The following PTPRJ variants were observed in gnomAD, a reference collection of about 807,000 sequenced individuals.
The protein encoded by PTPRJ is receptor-type tyrosine-protein phosphatase eta.
In PTPRJ, 129 loss-of-function variants were observed where a neutral mutation model predicts 141.3. That is an observed-to-expected ratio of 0.91 (90% CI 0.79 to 1.06). PTPRJ has a LOEUF of 1.06. PTPRJ is among the 50% of genes least tolerant of loss of function. PTPRJ has a pLI of 0.00. For synonymous variants in PTPRJ, 610 were observed against 640.5 expected, an observed-to-expected ratio of 0.95 and a Z score of 0.72; for missense variants, 1,601 against 1,679.7, an observed-to-expected ratio of 0.95 and a Z score of 0.82.
At chr11:48,093,040 T>C (rs1333059405) in intron 1 of PTPRJ, among the ~76,000 whole-genome samples, 2 of 152,266 alleles carry the variant, frequency 1.3e-5, no homozygotes, top group African/African-American at 4.8e-5. Context: ...TGGCCTATAT[T>C]TTCTATTTCT....
At chr11:48,019,046 A>G (rs767182163) in intron 1 of PTPRJ, among the ~76,000 whole-genome samples, 1 of 151,908 alleles carries the variant, frequency 6.6e-6, no homozygotes, top group African/African-American at 2.4e-5. Context: ...TGGGGGATGG[A>G]GAACCCCTCT....
chr11:48,007,591 T>C (rs1854658195), intron 1 of PTPRJ, among the ~76,000 whole-genome samples: 1 of 152,138 alleles, frequency 6.6e-6, no homozygotes, highest in African/African-American at 2.4e-5. Flanking sequence ...TTAGCAGAGA[T>C]GGGGTTTTGC....
At chr11:48,050,457 A>G (rs950604893) in intron 1 of PTPRJ, among the ~76,000 whole-genome samples, 1 of 152,184 alleles carries the variant, frequency 6.6e-6, no homozygotes, top group Non-Finnish European at 1.5e-5. Context: ...ATAGCATTCT[A>G]CATTCTGTGG....
In PTPRJ at chr11:48,123,706, G is replaced by C; in HGVS notation, c.710G>C (p.Arg237Pro). The change falls in exon 5 of 25, where the codon CGG (arginine) becomes CCG (proline). Residue 237 changes from arginine (R) to proline (P), a missense_variant. Physicochemically the swap from Arg to Pro is moderately radical, Grantham distance 103. Coordinates refer to ENST00000418331, the MANE Select transcript of PTPRJ (RefSeq NM_002843.4). The part of the protein sequence containing the change: ...WSNGNGTASC[R>P]VLLESIGSHE... ...AATGGCAATGGCACTGCCTCCTGCC[G>C]GGTTCTTCTTGAAAGCATTGGAAGC... is the stretch of plus-strand genomic sequence containing the variant. 6.2e-7 allele frequency: 1 copy of C among 1,614,138 alleles called. No homozygotes were observed. The highest frequency in any genetic ancestry group is 8.5e-7 in the Non-Finnish European group (1 of 1,180,034).
chr11:48,114,241 C>G (rs1309890525), intron 3 of PTPRJ, among the ~76,000 whole-genome samples: 6 of 151,892 alleles, frequency 4.0e-5, no homozygotes, highest in Non-Finnish European at 8.8e-5. Context: ...AGTTCAAGGC[C>G]AGCCTGGCCA....
At chr11:47,997,231 G>T (rs1309147363) in intron 1 of PTPRJ, among the ~76,000 whole-genome samples, 1 of 152,222 alleles carries the variant, frequency 6.6e-6, no homozygotes, top group African/African-American at 2.4e-5. Flanking sequence ...GATATTGGCA[G>T]ATGTCCCCTA....
At chr11:48,030,756 T>C (rs1284492698) in intron 1 of PTPRJ, among the ~76,000 whole-genome samples, 1 of 151,732 alleles carries the variant, frequency 6.6e-6, no homozygotes, top group East Asian at 1.9e-4. Context: ...AATAAATAAA[T>C]AAATAAATAA....
chr11:48,049,363 G>C (rs946579671), intron 1 of PTPRJ, among the ~76,000 whole-genome samples: 2 of 151,846 alleles, frequency 1.3e-5, no homozygotes, highest in Non-Finnish European at 2.9e-5. Flanking sequence ...CGTGGAGATG[G>C]AGAAAGGTAC....
intron 7 of PTPRJ, among the ~76,000 whole-genome samples, chr11:48,128,894 A>G (rs539918179): frequency 1.3e-5 from 2 of 152,310 alleles, no homozygotes; most frequent in Middle Eastern, 3.4e-3. Flanking sequence ...TGTATTTTGG[A>G]CTGGATCTTT....
At chr11:48,107,504 G>C (rs1013534071) in intron 1 of PTPRJ, among the ~76,000 whole-genome samples, 77 of 152,268 alleles carry the variant, frequency 5.1e-4, no homozygotes, top group African/African-American at 1.7e-3. Context: ...TCTTTGGCCA[G>C]AACTGTGGGC....
chr11:48,139,376 A>G (rs1857178914), intron 10 of PTPRJ, 110 bp from the exon 11 acceptor site: 1 of 1,222,602 alleles, frequency 8.2e-7, no homozygotes, highest in African/African-American at 1.5e-5. Context: ...TGCCTCTTCC[A>G]CCACATCACC....
At chr11:48,050,904 G>A (rs543593146) in intron 1 of PTPRJ, among the ~76,000 whole-genome samples, 1 of 152,094 alleles carries the variant, frequency 6.6e-6, no homozygotes, top group South Asian at 2.1e-4. Flanking sequence ...TTTAGGGGGT[G>A]TCCTAGTGGT....
chr11:48,123,746 T>C lies in PTPRJ; in HGVS notation c.750T>C (p.Thr250=), dbSNP rs1454972339. The change falls in exon 5 of 25, where the codon ACT becomes ACC. Residue 250 remains threonine, a synonymous_variant. Transcript: ENST00000418331. ...LESIGSHEEL[T]QDSRLQVNIS... ...GCATTGGAAGCCATGAGGAGTTGAC[T>C]CAAGACTCAAGACTTCAGGTCAATA... 1.2e-6 allele frequency: 2 copies of C among 1,613,966 alleles called. No individual in the cohort carries two copies. Among genetic ancestry groups the C allele is most frequent in the African/African-American group, 1.3e-5 (1 of 74,884 alleles).
At chr11:47,995,862 A>G (rs1207372744) in intron 1 of PTPRJ, among the ~76,000 whole-genome samples, 2 of 151,798 alleles carry the variant, frequency 1.3e-5, no homozygotes, top group African/African-American at 4.8e-5. Flanking sequence ...ACATGGTGAA[A>G]CCCTGTCTCT....
chr11:47,996,202 G>A (rs1854331094), intron 1 of PTPRJ, among the ~76,000 whole-genome samples: 1 of 151,904 alleles, frequency 6.6e-6, no homozygotes, highest in African/African-American at 2.4e-5. Context: ...GGGCATGGTG[G>A]TGGGTGCATG....
intron 1 of PTPRJ, among the ~76,000 whole-genome samples, chr11:48,022,549 C>A (rs80128770): frequency 0.013 from 1,931 of 151,592 alleles, 45 homozygotes; most frequent in African/African-American, 0.044. Context: ...GGAAACCTGG[C>A]TTCTGGCCTG....
chr11:48,097,860 A>G (rs943513062), intron 1 of PTPRJ, among the ~76,000 whole-genome samples: 1 of 151,554 alleles, frequency 6.6e-6, no homozygotes, highest in African/African-American at 2.4e-5. Context: ...TGTTTTGTTT[A>G]TTTATTTCTT....
intron 1 of PTPRJ, among the ~76,000 whole-genome samples, chr11:48,035,822 G>T (rs80170705): frequency 0.031 from 4,724 of 152,168 alleles, 119 homozygotes; most frequent in South Asian, 0.062. Context: ...TTAAGTTGTA[G>T]GGAGAGTAAG....
chr11:48,003,381 C>T lies in PTPRJ; in HGVS notation c.96+22373C>T, dbSNP rs185457732. 2.1e-3 allele frequency among the ~76,000 whole-genome samples: 319 copies of T among 152,138 alleles called. 1 individual carries two copies. The highest frequency in any genetic ancestry group is 3.8e-3 in the Non-Finnish European group (259 of 68,016). ...TAGACACATACCACTTGCCTAATAA[C>T]GTTCCAAAAGGAATTCATTGTTTAC... On this transcript the variant is annotated intron_variant, in intron 1 of 24. Transcript: ENST00000418331.
Sources: gnomAD v4.1 joint callset for allele counts (sites outside exome capture counted in the v4.1 genomes callset) on GRCh38, gnomAD v4.1.1 for gene constraint, MANE v1.5 for transcripts, NCBI Gene and HGNC (gene_info 2026-07-23, HGNC 2026-07-21) for gene names.